The following PPM1H variants were observed in gnomAD, a reference collection of about 807,000 sequenced individuals.
PPM1H encodes protein phosphatase 1H.
In PPM1H, 27 loss-of-function variants were observed where a neutral mutation model predicts 54.9. The ratio of observed to expected loss-of-function variants is 0.49; its 90% CI spans 0.36 to 0.68. PPM1H has a LOEUF of 0.68. Among genes scored for constraint, PPM1H ranks in the 30% least tolerant of loss-of-function variants. The pLI is 0.00. For missense variants in PPM1H, 596 were observed against 667.8 expected (o/e 0.89, Z 1.19); for synonymous variants, 305 against 270.8 (o/e 1.13, Z -1.24).
intron 9 of PPM1H, among the ~76,000 whole-genome samples, chr12:62,653,581 G>C (rs1040567199): frequency 6.6e-6 from 1 of 152,146 alleles, no homozygotes; most frequent in African/African-American, 2.4e-5. Flanking sequence ...TTGAGGGCCC[G>C]GAGGGAAGGC....
chr12:62,677,233 A>G (rs1272529686), intron 8 of PPM1H, among the ~76,000 whole-genome samples: 1 of 152,196 alleles, frequency 6.6e-6, no homozygotes, highest in East Asian at 1.9e-4. Flanking sequence ...CTCACCCTCC[A>G]GTTGCCCATG....
At chr12:62,892,180 T>A (rs1870821644) in intron 1 of PPM1H, among the ~76,000 whole-genome samples, 2 of 152,152 alleles carry the variant, frequency 1.3e-5, no homozygotes, top group Admixed American at 1.3e-4. Context: ...TAAATTCAAC[T>A]TTTTTTCCCA....
At chr12:62,857,196 G>A (rs1166468941) in intron 1 of PPM1H, among the ~76,000 whole-genome samples, 3 of 150,664 alleles carry the variant, frequency 2.0e-5, no homozygotes, top group African/African-American at 7.4e-5. Flanking sequence ...GCAAAGGGCT[G>A]GCACAAAGAC....
intron 6 of PPM1H, among the ~76,000 whole-genome samples, chr12:62,716,300 A>G (rs1940866945): frequency 6.6e-6 from 1 of 152,166 alleles, no homozygotes; most frequent in African/African-American, 2.4e-5. Context: ...AACCTTGAGC[A>G]ACTTAGCTCT....
At chr12:62,881,850 C>T (rs1870408152) in intron 1 of PPM1H, among the ~76,000 whole-genome samples, 1 of 152,192 alleles carries the variant, frequency 6.6e-6, no homozygotes, top group South Asian at 2.1e-4. Flanking sequence ...ACACTGGTCT[C>T]CCTGCCTCTG....
intron 6 of PPM1H, among the ~76,000 whole-genome samples, chr12:62,715,553 A>G (rs944860708): frequency 5.3e-5 from 8 of 152,120 alleles, no homozygotes; most frequent in African/African-American, 1.7e-4. Context: ...AAGCTGCTCC[A>G]CAGTCTCCGT....
intron 8 of PPM1H, among the ~76,000 whole-genome samples, chr12:62,671,135 C>T (rs1156940336): frequency 6.6e-6 from 1 of 152,118 alleles, no homozygotes; most frequent in Non-Finnish European, 1.5e-5. Context: ...CCTCAAAGTT[C>T]CCCTGTTCAA....
intron 2 of PPM1H, among the ~76,000 whole-genome samples, chr12:62,817,692 A>C (rs1419387331): frequency 3.9e-5 from 6 of 152,284 alleles, no homozygotes; most frequent in African/African-American, 1.4e-4. Context: ...CCTTCATTTC[A>C]TGTTTCGGGG....
At chr12:62,731,308 G>A (rs11174622) in intron 5 of PPM1H, among the ~76,000 whole-genome samples, 2,704 of 152,164 alleles carry the variant, frequency 0.018, 83 homozygotes, top group African/African-American at 0.062. Flanking sequence ...AGCAAAACAC[G>A]GAGATATTGA....
chr12:62,888,212 T>G (rs1322864354), intron 1 of PPM1H, among the ~76,000 whole-genome samples: 1 of 152,096 alleles, frequency 6.6e-6, no homozygotes, highest in Non-Finnish European at 1.5e-5. Flanking sequence ...CTTCATCAAC[T>G]AGGTGGATGG....
At chr12:62,845,077 G>A (rs772606881) in intron 1 of PPM1H, among the ~76,000 whole-genome samples, 11 of 152,188 alleles carry the variant, frequency 7.2e-5, no homozygotes, top group Admixed American at 2.0e-4. Context: ...TTAACAGTTA[G>A]AGCCGACCAA....
chr12:62,809,129 G>A (rs1337355584), intron 2 of PPM1H, among the ~76,000 whole-genome samples: 5 of 152,122 alleles, frequency 3.3e-5, no homozygotes, highest in Admixed American at 2.0e-4. Context: ...CTGGCTCACC[G>A]CAGCCTCTGC....
rs1046599709 is a variant in PPM1H at position 62,714,742 on chromosome 12, C to T, written c.1073+5429G>A. 5.3e-5 allele frequency among the ~76,000 whole-genome samples: 8 copies of T among 152,168 alleles called. No individual in the cohort carries two copies. The East Asian group carries it at 1.5e-3, about 29-fold the overall frequency. On this transcript the variant is annotated intron_variant, in intron 6 of 9. Coordinates refer to ENST00000228705, the MANE Select transcript of PPM1H (RefSeq NM_020700.2). ...ATGTGATCTCAAGTTACCAGTCCAGCCTGCCCCTGAAATGAGACCATCATA... is the reference window on the plus strand; with the variant it reads ...ATGTGATCTCAAGTTACCAGTCCAGTCTGCCCCTGAAATGAGACCATCATA...
At chr12:62,700,364 C>A (rs533607013) in intron 6 of PPM1H, among the ~76,000 whole-genome samples, 36 of 152,248 alleles carry the variant, frequency 2.4e-4, no homozygotes, top group African/African-American at 7.5e-4. Flanking sequence ...AGGCCAGTTT[C>A]TCTCCTTGGT....
At chr12:62,852,357 C>T (rs1217465434) in intron 1 of PPM1H, among the ~76,000 whole-genome samples, 2 of 151,708 alleles carry the variant, frequency 1.3e-5, no homozygotes, top group Admixed American at 1.3e-4. Flanking sequence ...GCTTTCTTTC[C>T]TACATGTGAG....
chr12:62,868,280 G>T (rs140582984), intron 1 of PPM1H, among the ~76,000 whole-genome samples: 302 of 152,302 alleles, frequency 2.0e-3, no homozygotes, highest in African/African-American at 6.7e-3. Flanking sequence ...TTAAGGATTT[G>T]TTATAGATTC....
chr12:62,844,734 G>C lies in PPM1H; in HGVS notation c.246-12455C>G, dbSNP rs55809624. 2.6e-5 allele frequency among the ~76,000 whole-genome samples: 4 copies of C among 152,064 alleles called. No individual in the cohort carries two copies. The South Asian group carries it at 8.3e-4, about 32-fold the overall frequency. On this transcript the variant is annotated intron_variant, in intron 1 of 9. Coordinates refer to ENST00000228705, the MANE Select transcript of PPM1H (RefSeq NM_020700.2). This position sits in a 1 kb window ranked among gnomAD's most constrained non-coding sequence, Gnocchi z 5.2. ...ATCACATAGCACGGAGTAGGTACTC[G>C]ATAAATGTTAATTGAATGAATAAAC...
At chr12:62,853,664 C>G (rs1329189332) in intron 1 of PPM1H, among the ~76,000 whole-genome samples, 2 of 152,042 alleles carry the variant, frequency 1.3e-5, no homozygotes, top group African/African-American at 4.8e-5. Context: ...TGTAGGGAAA[C>G]TAGAGCTGGT....
chr12:62,802,717 C>T (rs1296278640), intron 2 of PPM1H, among the ~76,000 whole-genome samples: 3 of 152,044 alleles, frequency 2.0e-5, no homozygotes, highest in African/African-American at 7.2e-5. Flanking sequence ...GTAGCTGGGA[C>T]TACAGGCGCG....
Sources: gnomAD v4.1 joint callset for allele counts (sites outside exome capture counted in the v4.1 genomes callset) on GRCh38, gnomAD v4.1.1 for gene constraint, Gnocchi (gnomAD v3.1) non-coding constraint, MANE v1.5 for transcripts, NCBI Gene and HGNC (gene_info 2026-07-23, HGNC 2026-07-21) for gene names.